Variants in NUP133 observed in about 807,000 individuals in gnomAD.
NUP133 encodes nuclear pore complex protein Nup133.
Under a neutral mutation model 146.2 loss-of-function variants are expected in NUP133, and 66 were observed. The ratio of observed to expected loss-of-function variants is 0.45; its 90% CI spans 0.37 to 0.55. The LOEUF (loss-of-function observed/expected upper bound fraction) is 0.55, where lower values mean the gene tolerates loss of function less well. Among genes scored for constraint, NUP133 ranks in the 20% least tolerant of loss-of-function variants. The pLI is 0.00. For synonymous variants in NUP133, 521 were observed against 498.8 expected, an observed-to-expected ratio of 1.04 and a Z score of -0.59; for missense variants, 1,277 against 1,374.8, an observed-to-expected ratio of 0.93 and a Z score of 1.12.
At position 229,494,568 on chromosome 1, in the gene NUP133, GT is replaced by G. The variant is rs1193543575; in HGVS notation, c.1046+926del. On this transcript the variant is annotated intron_variant, in intron 8 of 25. Coordinates refer to ENST00000261396, the MANE Select transcript of NUP133 (RefSeq NM_018230.3). Reference sequence around the variant, plus strand: ...TTCACTATGAGCAATGTTACAAATGGTTTTTAAGTTCCATGTGACCTTGAGC... The same window carrying G: ...TTCACTATGAGCAATGTTACAAATGGTTTTAAGTTCCATGTGACCTTGAGC... 2.0e-5 allele frequency among the ~76,000 whole-genome samples: 3 copies of G among 152,194 alleles called. No individual in the cohort carries two copies. The East Asian group carries it at 5.8e-4, about 29-fold the overall frequency.
At chr1:229,475,420 G>A (rs556701679) in intron 14 of NUP133, among the ~76,000 whole-genome samples, 7 of 152,234 alleles carry the variant, frequency 4.6e-5, no homozygotes, top group Non-Finnish European at 1.0e-4. Context: ...TTACACAAAC[G>A]CACACGGGAA....
chr1:229,458,789 A>C (rs1660626169), intron 20 of NUP133, among the ~76,000 whole-genome samples: 1 of 149,616 alleles, frequency 6.7e-6, no homozygotes, highest in African/African-American at 2.5e-5. Flanking sequence ...CAGCTCACTC[A>C]ACCTTCGCCT....
At chr1:229,457,483 T>C (rs1463206670) in intron 21 of NUP133, among the ~76,000 whole-genome samples, 1 of 152,206 alleles carries the variant, frequency 6.6e-6, no homozygotes, top group East Asian at 1.9e-4. Flanking sequence ...ATAACCCACA[T>C]ACATCCTCCC....
In NUP133 at chr1:229,482,912, A is replaced by G. The variant is rs563365312; in HGVS notation, c.1592+1142T>C. Among the ~76,000 whole-genome samples the G allele has an allele frequency of 1.6e-4, 24 of 152,334 alleles. 1 individual carries two copies. In the South Asian group the frequency reaches 5.0e-3, roughly 32 times the overall value. On this transcript the variant is annotated intron_variant, in intron 12 of 25. Transcript: ENST00000261396. ...CGAGCTGGCCAGCCTATGGCCCAGA[A>G]ATGTGAGTACGGTAAAGAGCAGCCA...
At chr1:229,479,789 G>A (rs1661165553) in intron 12 of NUP133, among the ~76,000 whole-genome samples, 1 of 152,164 alleles carries the variant, frequency 6.6e-6, no homozygotes, top group Non-Finnish European at 1.5e-5. Flanking sequence ...AGCCAAGGAG[G>A]AGAAAAGATC....
intron 22 of NUP133, among the ~76,000 whole-genome samples, chr1:229,451,519 T>C (rs540486023): frequency 1.3e-5 from 2 of 152,374 alleles, no homozygotes; most frequent in African/African-American, 4.8e-5. Context: ...GCTGACTGCA[T>C]ACTCATTTCT....
intron 23 of NUP133, among the ~76,000 whole-genome samples, chr1:229,449,675 AGG>A (rs1660398146): frequency 6.6e-6 from 1 of 151,294 alleles, no homozygotes; most frequent in African/African-American, 2.4e-5. Context: ...CCGGCCTGAG[AGG>A]GGTAAGATTT....
chr1:229,485,489 AAG>A (rs1484227716), intron 11 of NUP133, among the ~76,000 whole-genome samples: 1 of 152,226 alleles, frequency 6.6e-6, no homozygotes, highest in African/African-American at 2.4e-5. Context: ...TATACACTCC[AAG>A]AGTCACACAA....
intron 19 of NUP133, among the ~76,000 whole-genome samples, chr1:229,462,721 T>A (rs1244128999): frequency 6.6e-6 from 1 of 152,108 alleles, no homozygotes; most frequent in Non-Finnish European, 1.5e-5. Context: ...GCATGTTTTT[T>A]AAAAAAATTT....
chr1:229,499,836 A>G lies in NUP133; in HGVS notation c.514-18T>C. ...GCAACAGCCTCAAAACAAGATCACA[A>G]CAATCAGCAATCACAATAAAAGAGG... On this transcript the variant is annotated intron_variant, in intron 4 of 25. Transcript: ENST00000261396. 1.2e-6 allele frequency: 2 copies of G among 1,607,544 alleles called. No individual in the cohort carries two copies. Among genetic ancestry groups the G allele is most frequent in the Non-Finnish European group, 1.7e-6 (2 of 1,175,828 alleles).
chr1:229,485,202 C>T (rs150438521), intron 11 of NUP133, among the ~76,000 whole-genome samples: 4 of 152,144 alleles, frequency 2.6e-5, no homozygotes, highest in Non-Finnish European at 5.9e-5. Context: ...ATCTGTGATA[C>T]TAACTACAAC....
chr1:229,460,976 C>G (rs1458493553), intron 19 of NUP133, among the ~76,000 whole-genome samples: 3 of 152,182 alleles, frequency 2.0e-5, no homozygotes, highest in Non-Finnish European at 4.4e-5. Context: ...CTCAAGATCA[C>G]TGACAAGATT....
intron 9 of NUP133, among the ~76,000 whole-genome samples, chr1:229,488,545 T>G (rs953098055): frequency 6.6e-6 from 1 of 152,204 alleles, no homozygotes; most frequent in South Asian, 2.1e-4. Flanking sequence ...AAATTTTTTC[T>G]AACACTGAGC....
At chr1:229,487,892 G>A (rs1661402330) in intron 9 of NUP133, among the ~76,000 whole-genome samples, 1 of 143,172 alleles carries the variant, frequency 7.0e-6, no homozygotes, top group Non-Finnish European at 1.5e-5. Flanking sequence ...TGCCCAGGCT[G>A]GAGGGTAGTG....
At chr1:229,470,486 G>A (rs1186471591) in intron 15 of NUP133, 94 bp downstream of exon 15, 3 of 1,012,260 alleles carry the variant, frequency 3.0e-6, no homozygotes, top group Non-Finnish European at 4.5e-6. Flanking sequence ...GAGATCTTTT[G>A]TGATTTAACT....
chr1:229,447,542 C>T (rs1056902911), intron 24 of NUP133, among the ~76,000 whole-genome samples: 1 of 151,716 alleles, frequency 6.6e-6, no homozygotes, highest in African/African-American at 2.4e-5. Context: ...AGGGGCTGGT[C>T]ACCAGAAAAA....
chr1:229,493,594 A>T (rs995396121), intron 8 of NUP133, among the ~76,000 whole-genome samples: 2 of 152,226 alleles, frequency 1.3e-5, no homozygotes, highest in African/African-American at 4.8e-5. Flanking sequence ...AAACGGACCC[A>T]TATGAGAAAT....
intron 12 of NUP133, among the ~76,000 whole-genome samples, chr1:229,480,852 A>ATTTT (rs5781543): frequency 7.9e-6 from 1 of 125,890 alleles, no homozygotes. Context: ...ACACCCAGCT[A>ATTTT]TTTTTTTTTT....
rs571576157 is a variant in NUP133 at position 229,452,679 on chromosome 1, T to C, written c.2981-36A>G. On this transcript the variant is annotated intron_variant, in intron 21 of 25. Transcript: ENST00000261396. ...AGATGAGAGGGAGGGAAAGAGAATA[T>C]GATGAAATTTGACTTTTGCTCTCAT... 438 of 1,488,378 alleles carry C rather than the reference T, an allele frequency of 2.9e-4. 2 individuals are homozygous for C. The South Asian group carries it at 4.9e-3, about 17-fold the overall frequency. The allele number at this position is 1,488,378 out of a possible 1,614,324, so 92.2% of individuals were successfully genotyped here.
Sources: allele counts gnomAD v4.1 joint callset (sites outside exome capture counted in the v4.1 genomes callset), GRCh38; gene constraint gnomAD v4.1.1; transcripts MANE v1.5; gene names NCBI Gene and HGNC (gene_info 2026-07-23, HGNC 2026-07-21).